The following CDH13 variants were observed in gnomAD, a reference collection of about 807,000 sequenced individuals.
CDH13 encodes cadherin-13.
CDH13 carries 24 observed loss-of-function variants against 63.8 expected under a neutral mutation model. The ratio of observed to expected loss-of-function variants is 0.38; its 90% CI spans 0.27 to 0.53. The LOEUF (loss-of-function observed/expected upper bound fraction) is 0.53, where lower values mean the gene tolerates loss of function less well. CDH13 is among the 20% of genes least tolerant of loss of function. The probability of loss-of-function intolerance (pLI) is 0.85; values close to 1 mark genes in which losing one functional copy is unlikely to be tolerated. For missense variants in CDH13, 1,049 were observed against 903.1 expected (o/e 1.16, Z -2.07); for synonymous variants, 503 against 355.3 (o/e 1.42, Z -4.67).
chr16:82,914,810 C>T (rs903738782), intron 2 of CDH13, among the ~76,000 whole-genome samples: 1 of 152,158 alleles, frequency 6.6e-6, no homozygotes, highest in Admixed American at 6.5e-5. Flanking sequence ...ACTACAAAAT[C>T]GTTTCTGCAG....
chr16:83,000,220 CTTATT>C (rs1912722134), intron 2 of CDH13, among the ~76,000 whole-genome samples: 27 of 33,934 alleles, frequency 8.0e-4, no homozygotes, highest in African/African-American at 2.5e-3. Context: ...ACAGGTTTAG[CTTATT>C]TTTTTTTTTT....
At chr16:82,898,471 G>C (rs890379409) in intron 2 of CDH13, among the ~76,000 whole-genome samples, 5 of 152,218 alleles carry the variant, frequency 3.3e-5, no homozygotes, top group African/African-American at 1.2e-4. Flanking sequence ...GTTGCAGTGA[G>C]CCAAGATCTC....
At chr16:82,839,095 G>A (rs1220705278) in intron 1 of CDH13, among the ~76,000 whole-genome samples, 4 of 152,186 alleles carry the variant, frequency 2.6e-5, no homozygotes, top group African/African-American at 9.7e-5. Context: ...GTGGCCCGTG[G>A]GCTTTGGTTT....
chr16:83,057,437 C>G (rs924507220), intron 3 of CDH13, among the ~76,000 whole-genome samples: 1 of 152,158 alleles, frequency 6.6e-6, no homozygotes, highest in East Asian at 1.9e-4. Flanking sequence ...ATTCACCAAA[C>G]TGTACACTTA....
intron 6 of CDH13, among the ~76,000 whole-genome samples, chr16:83,467,915 T>C (rs1482410951): frequency 1.3e-5 from 2 of 152,198 alleles, no homozygotes; most frequent in African/African-American, 4.8e-5. Context: ...AATCAAGGCT[T>C]TCTGTCATGA....
At chr16:83,279,584 G>A (rs992324395) in intron 5 of CDH13, among the ~76,000 whole-genome samples, 3 of 152,154 alleles carry the variant, frequency 2.0e-5, no homozygotes, top group Non-Finnish European at 4.4e-5. Context: ...CTTTATTAAT[G>A]AGTCGAAATT....
chr16:82,788,137 G>A (rs2036111896), intron 1 of CDH13, among the ~76,000 whole-genome samples: 1 of 152,134 alleles, frequency 6.6e-6, no homozygotes, highest in Admixed American at 6.5e-5. Flanking sequence ...CAAGAAACTA[G>A]TAGGAATGCA....
In CDH13 at chr16:82,702,490, G is replaced by A. The variant is rs11865936; in HGVS notation, c.45+75353G>A. ...CACAGTGCAGGCACCATAAATACCT[G>A]TTGATTGATTCTGGACTTGCCATTC... On this transcript the variant is annotated intron_variant, in intron 1 of 13. Transcript: ENST00000567109. 6.9e-3 allele frequency among the ~76,000 whole-genome samples: 1,056 copies of A among 152,234 alleles called. 10 individuals carry two copies. Among genetic ancestry groups the A allele is most frequent in the African/African-American group, 0.022 (933 of 41,536 alleles).
At chr16:83,744,929 G>T (rs952571967) in intron 10 of CDH13, among the ~76,000 whole-genome samples, 2 of 152,154 alleles carry the variant, frequency 1.3e-5, no homozygotes, top group Non-Finnish European at 2.9e-5. Context: ...AGCAGCAGAG[G>T]GTGACAGCAG....
chr16:82,668,745 C>G (rs1470548943), intron 1 of CDH13, among the ~76,000 whole-genome samples: 2 of 152,148 alleles, frequency 1.3e-5, no homozygotes, highest in African/African-American at 4.8e-5. Context: ...TAACTTGGGC[C>G]TCCTGGAATG....
intron 10 of CDH13, among the ~76,000 whole-genome samples, chr16:83,699,870 A>G (rs1905954991): frequency 6.6e-6 from 1 of 152,128 alleles, no homozygotes; most frequent in South Asian, 2.1e-4. Context: ...CTCAGCACAT[A>G]TTGGGACTCT....
intron 6 of CDH13, among the ~76,000 whole-genome samples, chr16:83,351,863 T>C (rs2090957841): frequency 6.6e-6 from 1 of 152,248 alleles, no homozygotes; most frequent in Non-Finnish European, 1.5e-5. Flanking sequence ...CAATAGTCTT[T>C]CTTTTCACAC....
chr16:82,885,542 T>C (rs189311055), intron 2 of CDH13, among the ~76,000 whole-genome samples: 2 of 151,246 alleles, frequency 1.3e-5, no homozygotes, highest in Admixed American at 1.3e-4. Flanking sequence ...CATCCATCCA[T>C]CCAGCCATCC....
chr16:83,334,361 TCACACACA>T lies in CDH13; in HGVS notation c.637-10474_637-10467del, dbSNP rs1208427532. ...TTCTCCCTCTCTCTCTCTCTCTCTC[TCACACACA>T]CACACACACACACACACACACACAC... On this transcript the variant is annotated intron_variant, in intron 5 of 13. Transcript: ENST00000567109. Among the ~76,000 whole-genome samples, 17 of 85,622 alleles carry T rather than the reference TCACACACA, an allele frequency of 2.0e-4. No individual in the cohort carries two copies. In the South Asian group the frequency reaches 5.0e-3, roughly 25 times the overall value. The allele number at this position is 85,622 out of a possible 152,430, so 56.2% of individuals were successfully genotyped here.
At chr16:82,677,604 C>T (rs1400425919) in intron 1 of CDH13, among the ~76,000 whole-genome samples, 2 of 152,104 alleles carry the variant, frequency 1.3e-5, no homozygotes, top group Non-Finnish European at 2.9e-5. Flanking sequence ...GAAATCAGAG[C>T]TCATTCTAAC....
At chr16:83,067,989 C>G (rs2032147354) in intron 3 of CDH13, among the ~76,000 whole-genome samples, 1 of 152,144 alleles carries the variant, frequency 6.6e-6, no homozygotes, top group Non-Finnish European at 1.5e-5. Context: ...CTGAGGCTAC[C>G]AGAGCATGAT....
At chr16:83,473,654 G>T (rs1228268173) in intron 6 of CDH13, among the ~76,000 whole-genome samples, 1 of 152,138 alleles carries the variant, frequency 6.6e-6, no homozygotes, top group East Asian at 1.9e-4. Context: ...GCAGGGCAAG[G>T]TCCTCAATAG....
At chr16:83,233,497 G>C (rs1161393457) in intron 5 of CDH13, among the ~76,000 whole-genome samples, 1 of 152,226 alleles carries the variant, frequency 6.6e-6, no homozygotes, top group Admixed American at 6.5e-5. Context: ...GTTTAGGTCA[G>C]AAGTCCGACA....
At chr16:83,064,094 G>A (rs1029679337) in intron 3 of CDH13, among the ~76,000 whole-genome samples, 2 of 152,214 alleles carry the variant, frequency 1.3e-5, no homozygotes, top group African/African-American at 4.8e-5. Flanking sequence ...ATGAGGGCCA[G>A]GTGCGGTGGC....
Sources: gnomAD v4.1 joint callset for allele counts (sites outside exome capture counted in the v4.1 genomes callset) on GRCh38, gnomAD v4.1.1 for gene constraint, MANE v1.5 for transcripts, NCBI Gene and HGNC (gene_info 2026-07-23, HGNC 2026-07-21) for gene names.